PEX5L: variants seen among roughly 807,000 people sequenced by gnomAD.
PEX5L encodes peroxisomal biogenesis factor 5 like, also known as PEX5-related protein.
Under a neutral mutation model 84.0 loss-of-function variants are expected in PEX5L, and 30 were observed. That is an observed-to-expected ratio of 0.36 (90% CI 0.27 to 0.48). PEX5L has a LOEUF of 0.48. Ranked by LOEUF, PEX5L falls within the 20% of genes least tolerant of loss-of-function variation. The probability of loss-of-function intolerance (pLI) is 0.99; values close to 1 mark genes in which losing one functional copy is unlikely to be tolerated. For missense variants in PEX5L, 533 were observed against 754.6 expected (o/e 0.71, Z 3.44); for synonymous variants, 270 against 283.1 (o/e 0.95, Z 0.46).
At chr3:179,862,834 A>G (rs1746682762) in intron 7 of PEX5L, among the ~76,000 whole-genome samples, 1 of 152,224 alleles carries the variant, frequency 6.6e-6, no homozygotes, top group Non-Finnish European at 1.5e-5. Flanking sequence ...AAATAAAAAA[A>G]AATCATAAAA....
At chr3:179,928,849 C>A (rs949866512) in intron 2 of PEX5L, among the ~76,000 whole-genome samples, 46 of 152,190 alleles carry the variant, frequency 3.0e-4, no homozygotes, top group Non-Finnish European at 2.8e-4. Context: ...TAAATCCTAA[C>A]CCATTCCAGC....
At chr3:179,836,779 A>G (rs1735116470) in intron 8 of PEX5L, among the ~76,000 whole-genome samples, 1 of 152,212 alleles carries the variant, frequency 6.6e-6, no homozygotes, top group South Asian at 2.1e-4. Flanking sequence ...ATTTTAGACT[A>G]AAGTCTGAAG....
At chr3:180,036,344 T>G (rs762755764) in intron 1 of PEX5L, among the ~76,000 whole-genome samples, 2 of 152,192 alleles carry the variant, frequency 1.3e-5, no homozygotes, top group Admixed American at 6.5e-5. Flanking sequence ...GCTCAGGGAA[T>G]GCACAGAAAA....
chr3:179,977,449 A>G (rs1785914170), intron 1 of PEX5L, among the ~76,000 whole-genome samples: 1 of 152,148 alleles, frequency 6.6e-6, no homozygotes, highest in Non-Finnish European at 1.5e-5. Flanking sequence ...TCTCCCTTAT[A>G]ATACAAAGCT....
At chr3:179,954,203 T>TTG (rs1560895282) in intron 2 of PEX5L, among the ~76,000 whole-genome samples, 1 of 108,030 alleles carries the variant, frequency 9.3e-6, no homozygotes, top group African/African-American at 3.6e-5. Flanking sequence ...TAACCATTAG[T>TTG]CGGGGGGGGG....
chr3:179,941,278 G>A (rs1226954701), intron 2 of PEX5L, among the ~76,000 whole-genome samples: 1 of 152,182 alleles, frequency 6.6e-6, no homozygotes, highest in East Asian at 1.9e-4. Flanking sequence ...ACATTGTTGT[G>A]TGATCATCTC....
intron 2 of PEX5L, among the ~76,000 whole-genome samples, chr3:179,943,571 T>A (rs1399578198): frequency 6.6e-6 from 1 of 152,250 alleles, no homozygotes; most frequent in Non-Finnish European, 1.5e-5. Context: ...ATTCAGTTTC[T>A]GCTCACTGGA....
rs190079667 is a variant in PEX5L at position 179,811,611 on chromosome 3, T to C, written c.1154+190A>G. On this transcript the variant is annotated intron_variant, in intron 11 of 14. Coordinates refer to ENST00000467460, the MANE Select transcript of PEX5L (RefSeq NM_016559.3). ...CCATTGATTTGTAGATAGTAAGACA[T>C]TGTTAGGAACATGACTTCATTCTAA... is the stretch of plus-strand genomic sequence containing the variant. Among the ~76,000 whole-genome samples, 5 of 152,346 alleles carry C rather than the reference T, an allele frequency of 3.3e-5. No homozygotes were observed. In the East Asian group the frequency reaches 7.7e-4, roughly 23 times the overall value.
intron 10 of PEX5L, among the ~76,000 whole-genome samples, chr3:179,812,732 TACAC>T (rs1286642119): frequency 6.6e-6 from 1 of 151,934 alleles, no homozygotes; most frequent in Non-Finnish European, 1.5e-5. Context: ...ATAAGAGTAA[TACAC>T]ACAAGCAGAA....
At chr3:180,024,261 G>A (rs1422391636) in intron 1 of PEX5L, among the ~76,000 whole-genome samples, 1 of 150,092 alleles carries the variant, frequency 6.7e-6, no homozygotes, top group African/African-American at 2.5e-5. Context: ...ACTGTGCCCG[G>A]CACTTTGGGA....
intron 1 of PEX5L, among the ~76,000 whole-genome samples, chr3:179,999,452 C>T (rs1357504742): frequency 6.6e-6 from 1 of 152,150 alleles, no homozygotes; most frequent in South Asian, 2.1e-4. Context: ...TTCTACTCAC[C>T]AAGACTGACC....
At chr3:179,956,252 T>C (rs1780524048) in intron 2 of PEX5L, among the ~76,000 whole-genome samples, 2 of 152,360 alleles carry the variant, frequency 1.3e-5, no homozygotes, top group East Asian at 1.9e-4. Context: ...CTCTGCCTTA[T>C]AGATCTTAAT....
chr3:179,830,224 A>G (rs1409784741), intron 8 of PEX5L, among the ~76,000 whole-genome samples: 3 of 151,946 alleles, frequency 2.0e-5, no homozygotes, highest in South Asian at 4.2e-4. Context: ...AGAAAGTCCA[A>G]TTTAAAAAAT....
At chr3:179,886,551 C>T (rs193119861) in intron 4 of PEX5L, among the ~76,000 whole-genome samples, 85 of 152,204 alleles carry the variant, frequency 5.6e-4, no homozygotes, top group African/African-American at 1.9e-3. Flanking sequence ...AATGAACTTA[C>T]GAGATGTAGA....
At chr3:179,824,575 G>A (rs1424880081) in intron 8 of PEX5L, among the ~76,000 whole-genome samples, 11 of 152,012 alleles carry the variant, frequency 7.2e-5, no homozygotes, top group Middle Eastern at 3.2e-3. Flanking sequence ...GCGTGGTGGT[G>A]CATGCCTGTA....
chr3:179,879,150 A>C (rs527268057), intron 5 of PEX5L, among the ~76,000 whole-genome samples: 4 of 152,326 alleles, frequency 2.6e-5, no homozygotes, highest in African/African-American at 9.6e-5. Context: ...AGTCAGTCAC[A>C]GCCAGGGAAG....
At chr3:179,811,710 A>G in intron 11 of PEX5L, 91 bp downstream of exon 11, 1 of 937,544 alleles carries the variant, frequency 1.1e-6, no homozygotes, top group South Asian at 1.3e-5. Flanking sequence ...TTTACACTGT[A>G]CTTCAGTAAA....
chr3:180,016,966 T>G (rs1789997269), intron 1 of PEX5L, among the ~76,000 whole-genome samples: 1 of 152,204 alleles, frequency 6.6e-6, no homozygotes, highest in Non-Finnish European at 1.5e-5. Context: ...TGCTAACTTT[T>G]TATGTAAAAA....
At chr3:179,877,126 G>A (rs1752686452) in intron 5 of PEX5L, among the ~76,000 whole-genome samples, 2 of 152,162 alleles carry the variant, frequency 1.3e-5, no homozygotes, top group South Asian at 2.1e-4. Flanking sequence ...TCAGATTTTC[G>A]AATTAGGGAT....
Sources: gnomAD v4.1 joint callset for allele counts (sites outside exome capture counted in the v4.1 genomes callset) on GRCh38, gnomAD v4.1.1 for gene constraint, MANE v1.5 for transcripts, NCBI Gene and HGNC (gene_info 2026-07-23, HGNC 2026-07-21) for gene names.